The following KLHL23 variants were observed in gnomAD, a reference collection of about 807,000 sequenced individuals.
KLHL23 encodes the protein kelch-like protein 23.
Under a neutral mutation model 48.9 loss-of-function variants are expected in KLHL23, and 33 were observed. The observed-to-expected ratio is 0.67, with a 90% CI of 0.51 to 0.90. KLHL23 has a LOEUF of 0.90. Among genes scored for constraint, KLHL23 ranks in the 40% least tolerant of loss-of-function variants. The probability of loss-of-function intolerance (pLI) is 0.00; values close to 1 mark genes in which losing one functional copy is unlikely to be tolerated. For missense variants in KLHL23, 608 were observed against 669.6 expected (o/e 0.91, Z 1.02); for synonymous variants, 234 against 231.6 (o/e 1.01, Z -0.09).
chr2:169,749,111 A>G (rs779160912), intron 3 of KLHL23, among the ~76,000 whole-genome samples: 8 of 152,198 alleles, frequency 5.3e-5, no homozygotes, highest in Non-Finnish European at 1.2e-4. Flanking sequence ...GGTGTCAAGT[A>G]AAAGTTGTCT....
chr2:169,745,672 G>A (rs1385787962), intron 3 of KLHL23, among the ~76,000 whole-genome samples: 1 of 152,154 alleles, frequency 6.6e-6, no homozygotes, highest in Non-Finnish European at 1.5e-5. Context: ...GCCGATGTGA[G>A]GAATGTCATA....
chr2:169,750,623 A>T lies in KLHL23; in HGVS notation c.*891A>T, dbSNP rs1472121355. The T allele has an allele frequency of 6.6e-6, 1 of 152,144 alleles. No homozygotes were observed. Among genetic ancestry groups the T allele is most frequent in the Admixed American group, 6.5e-5 (1 of 15,274 alleles). 9.4% of individuals were successfully genotyped at this position (152,144 alleles called of 1,614,324 possible). On this transcript the variant is annotated 3_prime_UTR_variant, in exon 4 of 4. Transcript: ENST00000392647. The stretch of plus-strand genomic sequence containing the variant: ...TACTTTGTCTAGTTTTTTCCTTTAT[A>T]GTGTAATTTATTGTTACTCTCTATT...
intron 3 of KLHL23, among the ~76,000 whole-genome samples, chr2:169,748,866 A>T (rs936742408): frequency 6.7e-6 from 1 of 150,004 alleles, no homozygotes; most frequent in South Asian, 2.1e-4. Flanking sequence ...GCTTCTCAGG[A>T]TGATAGACTG....
At chr2:169,736,334 G>A in intron 2 of KLHL23, 107 bp downstream of exon 2, 1 of 1,415,332 alleles carries the variant, frequency 7.1e-7, no homozygotes, top group Non-Finnish European at 9.4e-7. Flanking sequence ...AGGAACTATA[G>A]TTAATTATAC....
rs759498106 is a variant in KLHL23, at chr2:169,741,465, AC to A, written c.1296del (p.Tyr433MetfsTer38). 1 of 1,614,050 alleles carries A rather than the reference AC, an allele frequency of 6.2e-7. No homozygotes were observed. Among genetic ancestry groups the A allele is most frequent in the Non-Finnish European group, 8.5e-7 (1 of 1,179,970 alleles). On this transcript the variant is annotated frameshift_variant, in exon 3 of 4. Coordinates refer to ENST00000392647, the MANE Select transcript of KLHL23 (RefSeq NM_144711.6). LOFTEE classifies it high-confidence loss of function. ...CCACTGTGGCTACAGAGGAAGCTGCACCTATGACAAAGTTCAGAGCTACAAT... is the reference window on the plus strand; with the variant it reads ...CCACTGTGGCTACAGAGGAAGCTGCACTATGACAAAGTTCAGAGCTACAAT... Reference protein sequence around the residue: ...GGHCGYRGSCTYDKVQSYNSD... With the variant: ...GGHCGYRGSCXYDKVQSYNSD...
At position 169,750,107 on chromosome 2, in the gene KLHL23, T is replaced by TATGTGTATATATACGTATGTATGTATAA. The variant is rs1558952711; in HGVS notation, c.*377_*378insGTGTATATATACGTATGTATGTATAAAT. 1.4e-4 allele frequency: 1 copy of TATGTGTATATATACGTATGTATGTATAA among 7,330 alleles called. No individual in the cohort carries two copies. Among genetic ancestry groups the TATGTGTATATATACGTATGTATGTATAA allele is most frequent in the African/African-American group, 3.2e-4 (1 of 3,142 alleles). 0.5% of individuals were successfully genotyped at this position (7,330 alleles called of 1,614,324 possible). On this transcript the variant is annotated 3_prime_UTR_variant, in exon 4 of 4. Transcript: ENST00000392647. ...ATGTATACATATATGTGTATACATA[T>TATGTGTATATATACGTATGTATGTATAA]ATATGTGTGTATATATATACACATA...
Position 169,736,013 on chromosome 2 carries a change from A to G in KLHL23, c.999A>G (p.Ile333Met), listed in dbSNP as rs1688505131. The change falls in exon 2 of 4, where the codon ATA (isoleucine) becomes ATG (methionine). Residue 333 changes from isoleucine to methionine, a missense_variant. Around this residue, in one of 3 missense-constraint regions of KLHL23, gnomAD observed 419 missense variants for 473.1 expected, o/e 0.89. Coordinates refer to ENST00000392647, the MANE Select transcript of KLHL23 (RefSeq NM_144711.6). ...CTGGGGGCTACAGGACGGATAACAT[A>G]GAAGCTCTTGACACAGTGTGGATCT... is the stretch of plus-strand genomic sequence containing the variant. ...YVTGGYRTDN[I>M]EALDTVWIYN... The G allele has an allele frequency of 6.2e-7, 1 of 1,614,228 alleles. No individual in the cohort carries two copies. The highest frequency in any genetic ancestry group is 8.5e-7 in the Non-Finnish European group (1 of 1,180,050).
intron 2 of KLHL23, 193 bp from the exon 3 acceptor site, chr2:169,741,192 G>T: frequency 1.8e-6 from 1 of 546,964 alleles, no homozygotes; most frequent in Non-Finnish European, 3.0e-6. Flanking sequence ...GGCTGTGTTT[G>T]TGTGCACGTC....
At chr2:169,739,428 C>T (rs879673715) in intron 2 of KLHL23, among the ~76,000 whole-genome samples, 1 of 152,158 alleles carries the variant, frequency 6.6e-6, no homozygotes, top group African/African-American at 2.4e-5. Flanking sequence ...ACCATGCCAG[C>T]CTTAAAGTCC....
At chr2:169,738,587 G>A (rs1045521810) in intron 2 of KLHL23, among the ~76,000 whole-genome samples, 4 of 151,866 alleles carry the variant, frequency 2.6e-5, no homozygotes, top group African/African-American at 9.7e-5. Flanking sequence ...GTTCACTAAT[G>A]TACAGAGAAT....
intron 3 of KLHL23, among the ~76,000 whole-genome samples, chr2:169,746,794 A>G (rs566064891): frequency 1.3e-5 from 2 of 152,262 alleles, no homozygotes; most frequent in South Asian, 2.1e-4. Context: ...ATAAACTTCA[A>G]GTAATTTAAG....
chr2:169,748,589 A>G (rs1001017526), intron 3 of KLHL23, among the ~76,000 whole-genome samples: 2 of 152,202 alleles, frequency 1.3e-5, no homozygotes, highest in African/African-American at 4.8e-5. Flanking sequence ...CAAATGACTC[A>G]CAGAGTTCTG....
chr2:169,750,331 G>C lies in KLHL23; in HGVS notation c.*599G>C, dbSNP rs1472616764. The C allele has an allele frequency of 6.6e-6, 1 of 152,212 alleles. No homozygotes were observed. Among genetic ancestry groups the C allele is most frequent in the Non-Finnish European group, 1.5e-5 (1 of 68,016 alleles). 9.4% of individuals were successfully genotyped at this position (152,212 alleles called of 1,614,324 possible). ...CTGTGGAATGAAATGTTTCTCAAGA[G>C]CCTATAATATAGTAGATAGTGCATA... On this transcript the variant is annotated 3_prime_UTR_variant, in exon 4 of 4. Coordinates refer to ENST00000392647, the MANE Select transcript of KLHL23 (RefSeq NM_144711.6).
rs1172175340 is a variant in KLHL23 at position 169,735,648 on chromosome 2, G to A, written c.634G>A (p.Val212Ile). The stretch of plus-strand genomic sequence containing the variant: ...AGTTATTAAGTGGACTGCTCATGAT[G>A]TAGAAAATCGAATTGAATGCCTCTA... Reference protein sequence around the residue: ...EPVIKWTAHDVENRIECLYNL... With the variant: ...EPVIKWTAHDIENRIECLYNL... The change falls in exon 2 of 4, where the codon GTA becomes ATA. Residue 212 changes from valine to isoleucine, a missense_variant. Val to Ile is a conservative substitution (Grantham distance 29). Coordinates refer to ENST00000392647, the MANE Select transcript of KLHL23 (RefSeq NM_144711.6). The surrounding 1 kb of genome is among the most constrained non-coding windows in gnomAD (Gnocchi z 4.5). The A allele has an allele frequency of 4.3e-6, 7 of 1,614,052 alleles. No individual in the cohort carries two copies. Among genetic ancestry groups the A allele is most frequent in the Non-Finnish European group, 5.9e-6 (7 of 1,180,036 alleles).
chr2:169,747,414 G>A (rs1369709350), intron 3 of KLHL23, among the ~76,000 whole-genome samples: 2 of 91,106 alleles, frequency 2.2e-5, no homozygotes, highest in African/African-American at 6.5e-5. Context: ...AAAAACTGAG[G>A]GAGAACTTTA....
Position 169,735,884 on chromosome 2 carries a change from C to T in KLHL23, c.870C>T (p.His290=). 1.2e-6 allele frequency: 2 copies of T among 1,614,102 alleles called. No homozygotes were observed. Among genetic ancestry groups the T allele is most frequent in the South Asian group, 2.2e-5 (2 of 91,088 alleles). Residue 290 remains histidine, a synonymous_variant, in exon 2 of 4, where the codon CAC becomes CAT. Coordinates refer to ENST00000392647, the MANE Select transcript of KLHL23 (RefSeq NM_144711.6). This position sits in a 1 kb window ranked among gnomAD's most constrained non-coding sequence, Gnocchi z 4.5. ...ACTGGCATCCTTTATCAGAGGTTCACATATGGGATCCTTTGACAAATGTTT... is the reference window on the plus strand; with the variant it reads ...ACTGGCATCCTTTATCAGAGGTTCATATATGGGATCCTTTGACAAATGTTT... ...GYYWHPLSEV[H]IWDPLTNVWI...
chr2:169,736,125 G>A lies in KLHL23; in HGVS notation c.1111G>A (p.Val371Ile). Residue 371 changes from valine to isoleucine, a missense_variant, in exon 2 of 4, where the codon GTC (valine) becomes ATC (isoleucine). Val to Ile is a conservative substitution (Grantham distance 29). Coordinates refer to ENST00000392647, the MANE Select transcript of KLHL23 (RefSeq NM_144711.6). ...YHCAVTLGGC[V>I]YALGGYRKGA... is the part of the protein sequence containing the mutation. ...CTGTGCAGTCACCTTGGGTGGCTGTGTCTATGCTTTAGGTGGTTACAGAAA... is the reference window on the plus strand; with the variant it reads ...CTGTGCAGTCACCTTGGGTGGCTGTATCTATGCTTTAGGTGGTTACAGAAA... 1 of 1,614,202 alleles carries A rather than the reference G, an allele frequency of 6.2e-7. No homozygotes were observed. Among genetic ancestry groups the A allele is most frequent in the Non-Finnish European group, 8.5e-7 (1 of 1,180,038 alleles).
In KLHL23 at chr2:169,735,321, A is replaced by T; in HGVS notation, c.307A>T (p.Thr103Ser). The change falls in exon 2 of 4, where the codon ACT becomes TCT. Residue 103 changes from threonine (T) to serine (S), a missense_variant. This residue lies in a region of KLHL23 where 419 missense variants were observed against 473.1 expected (regional missense o/e 0.89). Coordinates refer to ENST00000392647, the MANE Select transcript of KLHL23 (RefSeq NM_144711.6). This position sits in a 1 kb window ranked among gnomAD's most constrained non-coding sequence, Gnocchi z 4.5. ...NYAYTSQIEI[T>S]KRNVQSLLEA... Reference sequence around the variant, plus strand: ...TGCATACACTTCCCAAATTGAAATAACTAAAAGAAATGTTCAAAGCCTGCT... The same window carrying T: ...TGCATACACTTCCCAAATTGAAATATCTAAAAGAAATGTTCAAAGCCTGCT... 2 of 1,613,638 alleles carry T rather than the reference A, an allele frequency of 1.2e-6. No homozygotes were observed. The highest frequency in any genetic ancestry group is 2.2e-5 in the South Asian group (2 of 90,802).
rs1376618046 is a variant in KLHL23 at position 169,749,652 on chromosome 2, G to C, written c.1597G>C (p.Asp533His). The change falls in exon 4 of 4, where the codon GAT (aspartate) becomes CAT (histidine). Residue 533 changes from aspartate to histidine, a missense_variant. Asp to His is a moderately conservative substitution (Grantham distance 81). Around this residue, in one of 3 missense-constraint regions of KLHL23, gnomAD observed 179 missense variants for 169.9 expected, o/e 1.05. Coordinates refer to ENST00000392647, the MANE Select transcript of KLHL23 (RefSeq NM_144711.6). ...YLQSIEKYDP[D>H]LNKWEIVGNL... The stretch of plus-strand genomic sequence containing the variant: ...TCAGAGCATTGAGAAATATGATCCA[G>C]ATCTTAATAAGTGGGAAATAGTGGG... The C allele has an allele frequency of 6.2e-7, 1 of 1,614,074 alleles. No homozygotes were observed. Among genetic ancestry groups the C allele is most frequent in the South Asian group, 1.1e-5 (1 of 91,078 alleles).
Sources: gnomAD v4.1 joint callset for allele counts (sites outside exome capture counted in the v4.1 genomes callset) on GRCh38, gnomAD v4.1.1 for gene constraint, gnomAD v4.1.1 regional missense constraint, Gnocchi (gnomAD v3.1) non-coding constraint, MANE v1.5 for transcripts, NCBI Gene and HGNC (gene_info 2026-07-23, HGNC 2026-07-21) for gene names.